Variants in ADAM23 observed in about 807,000 individuals in gnomAD.
The protein encoded by ADAM23 is disintegrin and metalloproteinase domain-containing protein 23.
In ADAM23, 33 loss-of-function variants were observed where a neutral mutation model predicts 120.1. The ratio of observed to expected loss-of-function variants is 0.27; its 90% CI spans 0.21 to 0.37. ADAM23 has a LOEUF of 0.37. Among genes scored for constraint, ADAM23 ranks in the 10% least tolerant of loss-of-function variants. The probability of loss-of-function intolerance (pLI) is 1.00; values close to 1 mark genes in which losing one functional copy is unlikely to be tolerated. For missense variants in ADAM23, 862 were observed against 1,058.2 expected (o/e 0.81, Z 2.57); for synonymous variants, 367 against 375.2 (o/e 0.98, Z 0.25).
At chr2:206,616,096 C>G (rs1257657679) in intron 25 of ADAM23, among the ~76,000 whole-genome samples, 1 of 152,234 alleles carries the variant, frequency 6.6e-6, no homozygotes, top group African/African-American at 2.4e-5. Flanking sequence ...CAAGGTCAGG[C>G]AGTCTCTGTT....
intron 2 of ADAM23, among the ~76,000 whole-genome samples, chr2:206,452,689 G>T (rs1695220000): frequency 6.6e-6 from 1 of 152,150 alleles, no homozygotes; most frequent in Admixed American, 6.5e-5. Flanking sequence ...AGGAGCATTT[G>T]CCCAATGGTG....
intron 2 of ADAM23, among the ~76,000 whole-genome samples, chr2:206,452,315 CTG>C (rs1258749086): frequency 1.3e-5 from 2 of 152,246 alleles, no homozygotes; most frequent in Non-Finnish European, 2.9e-5. Context: ...CAACTGCTAA[CTG>C]TGCTTTCCAG....
intron 2 of ADAM23, among the ~76,000 whole-genome samples, chr2:206,477,897 A>AAAAT (rs374524658): frequency 4.5e-4 from 42 of 93,566 alleles, no homozygotes; most frequent in South Asian, 1.9e-3. Context: ...AAAAAAAAAA[A>AAAAT]ATATATATAT....
At chr2:206,528,894 G>T (rs900522998) in intron 3 of ADAM23, among the ~76,000 whole-genome samples, 2 of 152,136 alleles carry the variant, frequency 1.3e-5, no homozygotes, top group African/African-American at 4.8e-5. Context: ...AGGATTAAAT[G>T]AGTTAATACC....
chr2:206,573,755 G>A (rs1295808576), intron 18 of ADAM23, among the ~76,000 whole-genome samples: 1 of 151,906 alleles, frequency 6.6e-6, no homozygotes, highest in Non-Finnish European at 1.5e-5. Flanking sequence ...CAGGCTTTCA[G>A]TCACCACTTA....
At chr2:206,556,710 T>C (rs1032746951) in intron 9 of ADAM23, among the ~76,000 whole-genome samples, 1 of 152,234 alleles carries the variant, frequency 6.6e-6, no homozygotes, top group Non-Finnish European at 1.5e-5. Flanking sequence ...TAAACAATCA[T>C]AAACTCTCAG....
At chr2:206,500,352 T>C (rs138414017) in intron 3 of ADAM23, among the ~76,000 whole-genome samples, 2 of 152,284 alleles carry the variant, frequency 1.3e-5, no homozygotes, top group South Asian at 2.1e-4. Context: ...CACAATTCCT[T>C]AGATATTACT....
chr2:206,506,563 G>A lies in ADAM23; in HGVS notation c.510-24322G>A, dbSNP rs1018482299. Among the ~76,000 whole-genome samples the A allele has an allele frequency of 3.9e-5, 6 of 152,128 alleles. No homozygotes were observed. In the East Asian group the frequency reaches 1.2e-3, roughly 29 times the overall value. Reference sequence around the variant, plus strand: ...CTGTCATGGACCTTAACGTTCCTAGGTTCCCACTGTTTGGTTTTTACTCTT... The same window carrying A: ...CTGTCATGGACCTTAACGTTCCTAGATTCCCACTGTTTGGTTTTTACTCTT... On this transcript the variant is annotated intron_variant, in intron 3 of 25. Transcript: ENST00000264377.
intron 2 of ADAM23, among the ~76,000 whole-genome samples, chr2:206,470,790 A>G (rs761738062): frequency 2.0e-5 from 3 of 152,244 alleles, no homozygotes; most frequent in Non-Finnish European, 4.4e-5. Flanking sequence ...CAAAGGACAG[A>G]GCCAGACATG....
At chr2:206,499,466 A>G (rs370959831) in intron 3 of ADAM23, among the ~76,000 whole-genome samples, 33 of 136,020 alleles carry the variant, frequency 2.4e-4, no homozygotes, top group Admixed American at 5.5e-4. Context: ...ACACAGGAAG[A>G]GGAACATCAC....
intron 2 of ADAM23, among the ~76,000 whole-genome samples, chr2:206,455,559 T>C (rs1695280834): frequency 6.6e-6 from 1 of 152,230 alleles, no homozygotes; most frequent in African/African-American, 2.4e-5. Flanking sequence ...GGCTGCAAAT[T>C]TTCCAAACGT....
chr2:206,548,591 A>G (rs1190739501), intron 8 of ADAM23, among the ~76,000 whole-genome samples: 1 of 152,218 alleles, frequency 6.6e-6, no homozygotes, highest in East Asian at 1.9e-4. Flanking sequence ...GACGTCATCT[A>G]AAGAACGTGT....
chr2:206,549,892 T>C (rs1242034405), intron 8 of ADAM23, among the ~76,000 whole-genome samples: 1 of 152,128 alleles, frequency 6.6e-6, no homozygotes, highest in East Asian at 1.9e-4. Context: ...TAAAATACAG[T>C]TATTTTCTAA....
chr2:206,577,981 T>A (rs1289163748), intron 18 of ADAM23, among the ~76,000 whole-genome samples: 1 of 151,954 alleles, frequency 6.6e-6, no homozygotes, highest in Non-Finnish European at 1.5e-5. Context: ...GATATCTCAT[T>A]GTGGTTTTGA....
rs115116292 is a variant in ADAM23, at chr2:206,503,146, G to A, written c.509+21838G>A. On this transcript the variant is annotated intron_variant, in intron 3 of 25. Transcript: ENST00000264377. ...TGGGCCAGTGTGTACTTAATTTGAT[G>A]AAGTACTTCAGGATCGTCCTCCAGA... is the stretch of plus-strand genomic sequence containing the variant. Among the ~76,000 whole-genome samples the A allele has an allele frequency of 4.2e-3, 636 of 152,244 alleles. 6 individuals are homozygous for A. Among genetic ancestry groups the A allele is most frequent in the African/African-American group, 0.014 (598 of 41,556 alleles).
chr2:206,565,782 A>C (rs1298306138), intron 14 of ADAM23, among the ~76,000 whole-genome samples: 5 of 152,074 alleles, frequency 3.3e-5, no homozygotes, highest in Non-Finnish European at 7.4e-5. Context: ...TTTCTTTGCC[A>C]TGCCAGACAC....
chr2:206,511,844 G>A (rs950118096), intron 3 of ADAM23, among the ~76,000 whole-genome samples: 8 of 152,082 alleles, frequency 5.3e-5, no homozygotes, highest in Non-Finnish European at 1.0e-4. Flanking sequence ...ACTTATCTGT[G>A]CAAGGAATCC....
In ADAM23 at chr2:206,561,136, C is replaced by G; in HGVS notation, c.1178C>G (p.Thr393Arg). 1 of 1,613,998 alleles carries G rather than the reference C, an allele frequency of 6.2e-7. No homozygotes were observed. The highest frequency in any genetic ancestry group is 8.5e-7 in the Non-Finnish European group (1 of 1,179,914). The change falls in exon 12 of 26, where the codon ACA (threonine) becomes AGA (arginine). Residue 393 changes from threonine to arginine, a missense_variant. Physicochemically the swap from Thr to Arg is moderately conservative, Grantham distance 71 (BLOSUM62 -1). Around this residue, in one of 4 missense-constraint regions of ADAM23, gnomAD observed 617 missense variants for 813.5 expected, o/e 0.76. Coordinates refer to ENST00000264377, the MANE Select transcript of ADAM23 (RefSeq NM_003812.4). ...ADAVHLISRVTFHYKRSSLSY... is the reference protein window; with the variant it reads ...ADAVHLISRVRFHYKRSSLSY... ...CACTGCTTTTTCTTAAGGCGGGTGA[C>G]ATTTCACTATAAGAGAAGCAGTCTG... is the stretch of plus-strand genomic sequence containing the variant.
At chr2:206,538,708 A>G (rs964142911) in intron 4 of ADAM23, among the ~76,000 whole-genome samples, 2 of 152,178 alleles carry the variant, frequency 1.3e-5, no homozygotes, top group Non-Finnish European at 2.9e-5. Context: ...AATTAAAACT[A>G]TTGGTTCTAT....
Sources: gnomAD v4.1 joint callset for allele counts (sites outside exome capture counted in the v4.1 genomes callset) on GRCh38, gnomAD v4.1.1 for gene constraint, gnomAD v4.1.1 regional missense constraint, MANE v1.5 for transcripts, NCBI Gene and HGNC (gene_info 2026-07-23, HGNC 2026-07-21) for gene names.